The following TCN2 variants were observed in gnomAD, a reference collection of about 807,000 sequenced individuals.
TCN2 encodes transcobalamin 2, also known as transcobalamin-2.
Under a neutral mutation model 48.6 loss-of-function variants are expected in TCN2, and 34 were observed. The ratio of observed to expected loss-of-function variants is 0.70; its 90% CI spans 0.53 to 0.93. The LOEUF (loss-of-function observed/expected upper bound fraction) is 0.93. TCN2 is among the 40% of genes least tolerant of loss of function. The pLI, the probability that TCN2 is intolerant of heterozygous loss-of-function variation, is 0.00. For missense variants in TCN2, 652 were observed against 526.1 expected (o/e 1.24, Z -2.34); for synonymous variants, 283 against 212.5 (o/e 1.33, Z -2.89).
At chr22:30,617,846 G>T (rs944498985) in intron 7 of TCN2, 8 of 361,960 alleles carry the variant, frequency 2.2e-5, no homozygotes, top group East Asian at 1.9e-4. Context: ...CATAGAGATA[G>T]TGGCATGTGC....
At chr22:30,623,113 T>G in intron 8 of TCN2, 30 bp downstream of exon 8, 1 of 1,609,914 alleles carries the variant, frequency 6.2e-7, no homozygotes, top group South Asian at 1.1e-5. Context: ...TCTGGATGTG[T>G]CCCCTACCCC....
chr22:30,615,651 C>G lies in TCN2; in HGVS notation c.804C>G (p.Leu268=), dbSNP rs760481738. 3 of 1,614,196 alleles carry G rather than the reference C, an allele frequency of 1.9e-6. No homozygotes were observed. The highest frequency in any genetic ancestry group is 2.2e-5 in the East Asian group (1 of 44,882). ...GGGCAGAACTGGGAACAGCATGTCTCAAGGCGAGGGTTGCTTTGCTGGCCA... is the reference window on the plus strand; with the variant it reads ...GGGCAGAACTGGGAACAGCATGTCTGAAGGCGAGGGTTGCTTTGCTGGCCA... ...MRGAELGTAC[L]KARVALLASL... Residue 268 remains leucine (L), a synonymous_variant, in exon 6 of 9, where the codon CTC becomes CTG. Transcript: ENST00000215838.
At chr22:30,623,674 CAT>C (rs1244560676) in intron 8 of TCN2, among the ~76,000 whole-genome samples, 2 of 147,176 alleles carry the variant, frequency 1.4e-5, no homozygotes, top group African/African-American at 5.0e-5. Context: ...TTAAAAATTT[CAT>C]ATATGTGTAT....
chr22:30,608,807 A>G (rs1025066119), intron 1 of TCN2, among the ~76,000 whole-genome samples: 2 of 152,180 alleles, frequency 1.3e-5, no homozygotes, highest in Non-Finnish European at 1.5e-5. Flanking sequence ...TCTGGGTTCA[A>G]CCAGCAAGAG....
intron 1 of TCN2, among the ~76,000 whole-genome samples, chr22:30,610,079 C>T (rs550325263): frequency 6.6e-5 from 10 of 152,292 alleles, no homozygotes; most frequent in East Asian, 1.9e-4. Flanking sequence ...AGCTCAAGTC[C>T]CTTGGAACTA....
chr22:30,621,913 A>C (rs2087706138), intron 7 of TCN2, among the ~76,000 whole-genome samples: 1 of 152,208 alleles, frequency 6.6e-6, no homozygotes, highest in Admixed American at 6.5e-5. Context: ...CATCTCTTGA[A>C]GCCCTTCTTC....
intron 7 of TCN2, among the ~76,000 whole-genome samples, chr22:30,621,470 G>GTTA (rs66535167): frequency 0.41 from 62,652 of 151,610 alleles, 13,155 homozygotes; most frequent in Non-Finnish European, 0.45. Flanking sequence ...CTCATTTGTT[G>GTTA]TTTTTTGTTT....
rs1569047035 is a variant in TCN2 at position 30,623,975 on chromosome 22, T to TATGTATACATATATACACACATAC, written c.1222+894_1222+895insGTATACATATATACACACATACAT. ...ATGTATACATATATACACACACATA[T>TATGTATACATATATACACACATAC]ATATGTATACATATATACACACATA... is the stretch of plus-strand genomic sequence containing the variant. On this transcript the variant is annotated intron_variant, in intron 8 of 8. Transcript: ENST00000215838. Among the ~76,000 whole-genome samples, 2 of 15,596 alleles carry TATGTATACATATATACACACATAC rather than the reference T, an allele frequency of 1.3e-4. 1 individual carries two copies. The allele number at this position is 15,596 out of a possible 152,430, so 10.2% of individuals were successfully genotyped here. A position where few individuals can be genotyped will look rare whatever the true frequency, so the allele number is the denominator to read the frequency against.
At chr22:30,624,652 T>G (rs924652559) in intron 8 of TCN2, among the ~76,000 whole-genome samples, 12 of 152,154 alleles carry the variant, frequency 7.9e-5, no homozygotes, top group Non-Finnish European at 1.5e-4. Flanking sequence ...GAGAGCTAGG[T>G]GGACCCAGCC....
intron 1 of TCN2, chr22:30,610,266 G>A (rs1294691075): frequency 2.1e-6 from 1 of 471,146 alleles, no homozygotes; most frequent in Admixed American, 2.3e-5. Context: ...TTTGAGATCT[G>A]CATGGAGGAA....
chr22:30,615,031 C>T (rs577752633), intron 4 of TCN2, among the ~76,000 whole-genome samples: 41 of 152,334 alleles, frequency 2.7e-4, no homozygotes, highest in African/African-American at 8.7e-4. Flanking sequence ...TCTCCCTAAC[C>T]TCTAGCCCTC....
chr22:30,614,330 C>CG lies in TCN2; in HGVS notation c.428-19_428-18insG. The CG allele has an allele frequency of 1.9e-6, 3 of 1,613,850 alleles. No homozygotes were observed. Among genetic ancestry groups the CG allele is most frequent in the Non-Finnish European group, 2.5e-6 (3 of 1,179,832 alleles). On this transcript the variant is annotated intron_variant, in intron 3 of 8. Coordinates refer to ENST00000215838, the MANE Select transcript of TCN2 (RefSeq NM_000355.4). ...GGGTGGGGGCAGAGAGGCAACCCCTCTGTTTTTTTCCCTCTCAGGGCATGA... is the reference window on the plus strand; with the variant it reads ...GGGTGGGGGCAGAGAGGCAACCCCTCGTGTTTTTTTCCCTCTCAGGGCATGA...
rs571843449 is a variant in TCN2, at chr22:30,614,478, T to C, written c.557T>C (p.Phe186Ser). 1.4e-5 allele frequency: 23 copies of C among 1,614,166 alleles called. No homozygotes were observed. In the African/African-American group the frequency reaches 2.3e-4, roughly 16 times the overall value. Reference sequence around the variant, plus strand: ...AAACTTCTGTATGCTGTGGAACCTTTCCACCAGGGCCACCATTCTGTGGGT... The same window carrying C: ...AAACTTCTGTATGCTGTGGAACCTTCCCACCAGGGCCACCATTCTGTGGGT... ...VDKLLYAVEP[F>S]HQGHHSVDTA... Residue 186 changes from phenylalanine to serine, a missense_variant, in exon 4 of 9, where the codon TTC becomes TCC. Phe to Ser is a radical substitution (Grantham distance 155). Coordinates refer to ENST00000215838, the MANE Select transcript of TCN2 (RefSeq NM_000355.4).
chr22:30,621,754 G>T (rs2087703204), intron 7 of TCN2, among the ~76,000 whole-genome samples: 1 of 152,202 alleles, frequency 6.6e-6, no homozygotes, highest in Non-Finnish European at 1.5e-5. Flanking sequence ...AAAGTGCTGG[G>T]ATTACAAGCA....
intron 3 of TCN2, among the ~76,000 whole-genome samples, chr22:30,613,289 T>A (rs938052119): frequency 6.6e-6 from 1 of 152,138 alleles, no homozygotes; most frequent in Non-Finnish European, 1.5e-5. Flanking sequence ...TGTTTGTTTG[T>A]TTGTTTTGAG....
At position 30,623,296 on chromosome 22, in the gene TCN2, CA is replaced by C. The variant is rs11305698; in HGVS notation, c.1222+228del. On this transcript the variant is annotated intron_variant, in intron 8 of 8. Transcript: ENST00000215838. ...AAATTCTAGGAAACCAGACAGATTA[CA>C]AAAAAAAAAAAAAACTAGAAGAAAA... is the stretch of plus-strand genomic sequence containing the variant. The C allele has an allele frequency of 0.24, 89,172 of 370,274 alleles. 4,272 individuals carry two copies. Among genetic ancestry groups the C allele is most frequent in the African/African-American group, 0.35 (15,204 of 42,970 alleles). 22.9% of individuals were successfully genotyped at this position (370,274 alleles called of 1,614,324 possible).
Position 30,615,457 on chromosome 22 carries a change from C to T in TCN2, c.737C>T (p.Thr246Ile), listed in dbSNP as rs147738100. The T allele has an allele frequency of 2.9e-5, 47 of 1,614,030 alleles. No individual in the cohort carries two copies. The highest frequency in any genetic ancestry group is 6.7e-5 in the Admixed American group (4 of 59,994). ...PEGHFGNVYSTPLALQFLMTS... is the reference protein window; with the variant it reads ...PEGHFGNVYSIPLALQFLMTS... ...GGCCACTTTGGGAATGTCTACAGCACCCCATTGGCATTACAGGTGGGAAAG... is the reference window on the plus strand; with the variant it reads ...GGCCACTTTGGGAATGTCTACAGCATCCCATTGGCATTACAGGTGGGAAAG... Residue 246 changes from threonine (T) to isoleucine (I), a missense_variant, in exon 5 of 9, where the codon ACC becomes ATC. By Grantham distance (89) the Thr-to-Ile change is moderately conservative. Transcript: ENST00000215838.
At chr22:30,614,831 C>T (rs2087589980) in intron 4 of TCN2, among the ~76,000 whole-genome samples, 1 of 152,190 alleles carries the variant, frequency 6.6e-6, no homozygotes, top group South Asian at 2.1e-4. Flanking sequence ...ATCACTTGAA[C>T]CTGGGAGGCG....
rs772319341 is a variant in TCN2 at position 30,614,344 on chromosome 22, C to G, written c.428-5C>G. ...AGGCAACCCCTCTGTTTTTTTCCCTCTCAGGGCATGATCACAAGGGCCACC... is the reference window on the plus strand; with the variant it reads ...AGGCAACCCCTCTGTTTTTTTCCCTGTCAGGGCATGATCACAAGGGCCACC... On this transcript the variant is annotated splice_region_variant and splice_polypyrimidine_tract_variant and intron_variant, in intron 3 of 8. Transcript: ENST00000215838. 6.2e-7 allele frequency: 1 copy of G among 1,614,034 alleles called. No individual in the cohort carries two copies. The highest frequency in any genetic ancestry group is 8.5e-7 in the Non-Finnish European group (1 of 1,179,960).
Sources: allele counts gnomAD v4.1 joint callset (sites outside exome capture counted in the v4.1 genomes callset), GRCh38; gene constraint gnomAD v4.1.1; transcripts MANE v1.5; gene names NCBI Gene and HGNC (gene_info 2026-07-23, HGNC 2026-07-21).